The following FOXK2 variants were observed in gnomAD, a reference collection of about 807,000 sequenced individuals.
FOXK2 encodes forkhead box K2.
FOXK2 carries 24 observed loss-of-function variants against 53.3 expected under a neutral mutation model. That is an observed-to-expected ratio of 0.45 (90% CI 0.33 to 0.63). The LOEUF is 0.63. Ranked by LOEUF, FOXK2 falls within the 30% of genes least tolerant of loss-of-function variation. The pLI is 0.03. For synonymous variants in FOXK2, 505 were observed against 407.1 expected, an observed-to-expected ratio of 1.24 and a Z score of -2.89; for missense variants, 952 against 910.5, an observed-to-expected ratio of 1.05 and a Z score of -0.59.
rs773882801 is a variant in FOXK2, at chr17:82,582,949, G to T, written c.1103+15G>T. ...CTCTCTTCTAGGTAAGGAAAAAGAA[G>T]AACAAAAGGCCTCACTTCGTGCTTA... is the stretch of plus-strand genomic sequence containing the variant. On this transcript the variant is annotated intron_variant, in intron 5 of 8. Coordinates refer to ENST00000335255, the MANE Select transcript of FOXK2 (RefSeq NM_004514.4). 9.2e-6 allele frequency: 14 copies of T among 1,524,250 alleles called. No individual in the cohort carries two copies. The South Asian group carries it at 1.5e-4, about 16-fold the overall frequency. 94.4% of individuals were successfully genotyped at this position (1,524,250 alleles called of 1,614,324 possible).
At chr17:82,541,372 A>C (rs757963476) in intron 1 of FOXK2, among the ~76,000 whole-genome samples, 2 of 151,688 alleles carry the variant, frequency 1.3e-5, no homozygotes, top group Non-Finnish European at 2.9e-5. Context: ...TCCTGGGTTC[A>C]AGTGATTCTC....
At chr17:82,522,549 T>G (rs978007971) in intron 1 of FOXK2, among the ~76,000 whole-genome samples, 1 of 151,310 alleles carries the variant, frequency 6.6e-6, no homozygotes, top group Non-Finnish European at 1.5e-5. Context: ...TTTTTTGTAT[T>G]TTTAGTAGAG....
intron 1 of FOXK2, among the ~76,000 whole-genome samples, chr17:82,534,922 C>G (rs147675623): frequency 6.2e-4 from 95 of 152,336 alleles, no homozygotes; most frequent in African/African-American, 2.2e-3. Flanking sequence ...GCTCTGTCGC[C>G]CAGCTGGAGT....
At chr17:82,535,986 C>A (rs1023154236) in intron 1 of FOXK2, among the ~76,000 whole-genome samples, 14 of 152,064 alleles carry the variant, frequency 9.2e-5, no homozygotes, top group Admixed American at 2.6e-4. Context: ...AGGTGATCCG[C>A]CTGTCTCAGC....
chr17:82,600,847 TG>T (rs34973185), intron 8 of FOXK2: 128,475 of 162,594 alleles, frequency 0.79, 51,307 homozygotes, highest in Middle Eastern at 0.9. Context: ...GTGCGGGTGG[TG>T]GGGGGGCGAG....
intron 1 of FOXK2, among the ~76,000 whole-genome samples, chr17:82,542,475 T>A (rs1197216648): frequency 1.3e-5 from 2 of 152,016 alleles, no homozygotes; most frequent in East Asian, 1.9e-4. Context: ...CCCAGTTTTT[T>A]ATTTTATTTT....
intron 8 of FOXK2, among the ~76,000 whole-genome samples, chr17:82,597,828 T>G (rs1318536411): frequency 6.6e-6 from 1 of 152,138 alleles, no homozygotes; most frequent in Non-Finnish European, 1.5e-5. Context: ...TTTTGTATTT[T>G]TAGTAGAGAC....
intron 1 of FOXK2, among the ~76,000 whole-genome samples, chr17:82,556,142 C>G (rs1415697577): frequency 6.6e-6 from 1 of 151,926 alleles, no homozygotes; most frequent in Non-Finnish European, 1.5e-5. Context: ...CAGTCAGAAT[C>G]TAGATGAAGA....
At chr17:82,561,548 C>G (rs2044793465) in intron 1 of FOXK2, among the ~76,000 whole-genome samples, 1 of 152,048 alleles carries the variant, frequency 6.6e-6, no homozygotes. Context: ...CCTGGACATC[C>G]AGGAGGTGGC....
At chr17:82,522,121 TTTTG>T (rs926525996) in intron 1 of FOXK2, among the ~76,000 whole-genome samples, 15 of 150,234 alleles carry the variant, frequency 1.0e-4, no homozygotes, top group South Asian at 2.1e-4. Flanking sequence ...GATCTTGAGT[TTTTG>T]TTTGTTTGTT....
chr17:82,595,843 C>G, intron 8 of FOXK2: 1 of 1,289,636 alleles, frequency 7.8e-7, no homozygotes, highest in Non-Finnish European at 1.0e-6. Context: ...TCAGTTGACA[C>G]AGCAGGCCCC....
rs373717576 is a variant in FOXK2, at chr17:82,601,307, G to A, written c.1791G>A (p.Ala597=). 1.3e-5 allele frequency: 21 copies of A among 1,610,660 alleles called. No individual in the cohort carries two copies. The highest frequency in any genetic ancestry group is 3.3e-5 in the South Asian group (3 of 90,948). The change falls in exon 9 of 9, where the codon GCG becomes GCA. Residue 597 remains alanine (A), a synonymous_variant. Transcript: ENST00000335255. ...TAVHGQVNNA[A]ASPLHMLATH... ...GACTCCCTCGTGTCATTTCAGCCGCGGCGAGTCCTTTGCACATGTTGGCAA... is the reference window on the plus strand; with the variant it reads ...GACTCCCTCGTGTCATTTCAGCCGCAGCGAGTCCTTTGCACATGTTGGCAA...
intron 1 of FOXK2, among the ~76,000 whole-genome samples, chr17:82,530,354 G>A (rs1032910419): frequency 6.6e-6 from 1 of 150,842 alleles, no homozygotes; most frequent in African/African-American, 2.4e-5. Flanking sequence ...GCTGGGTGTG[G>A]TGGCGCATGC....
At chr17:82,558,752 A>G (rs1433154479) in intron 1 of FOXK2, among the ~76,000 whole-genome samples, 1 of 150,786 alleles carries the variant, frequency 6.6e-6, no homozygotes, top group African/African-American at 2.4e-5. Flanking sequence ...CACTGTTCAC[A>G]TCTTTACATC....
chr17:82,585,936 A>G lies in FOXK2; in HGVS notation c.1312A>G (p.Thr438Ala). The G allele has an allele frequency of 1.2e-6, 2 of 1,612,416 alleles. No homozygotes were observed. Among genetic ancestry groups the G allele is most frequent in the African/African-American group, 1.3e-5 (1 of 75,028 alleles). ...SPLSSQPVLI[T>A]VQRQLPQAIK... ...TCTGTCCAGTCAGCCAGTCTTAATC[A>G]CCGTCCAGCGGCAGCTACCACAGGC... The change falls in exon 7 of 9, where the codon ACC becomes GCC. Residue 438 changes from threonine (T) to alanine (A), a missense_variant. Thr to Ala is a moderately conservative substitution (Grantham distance 58). Transcript: ENST00000335255.
intron 3 of FOXK2, among the ~76,000 whole-genome samples, 165 bp downstream of exon 3, chr17:82,568,366 T>C (rs920154126): frequency 6.6e-6 from 1 of 152,222 alleles, no homozygotes; most frequent in African/African-American, 2.4e-5. Context: ...TTCTTGGTAT[T>C]GGGGCTTTTT....
chr17:82,520,314 G>A lies in FOXK2; in HGVS notation c.419+7G>A. ...CGCTGCAGCTGCCGCGCGTGTGAGT[G>A]GCCTCGGGGCGGGGCGGGCGGGGTC... On this transcript the variant is annotated splice_region_variant and intron_variant, in intron 1 of 8. Transcript: ENST00000335255. 3 of 1,259,466 alleles carry A rather than the reference G, an allele frequency of 2.4e-6. No homozygotes were observed. The highest frequency in any genetic ancestry group is 3.0e-6 in the Non-Finnish European group (3 of 998,054). 78.0% of individuals were successfully genotyped at this position (1,259,466 alleles called of 1,614,324 possible).
intron 4 of FOXK2, among the ~76,000 whole-genome samples, chr17:82,582,417 C>T (rs1054228023): frequency 1.3e-5 from 2 of 152,226 alleles, no homozygotes; most frequent in African/African-American, 4.8e-5. Context: ...GCTCAAACCC[C>T]AGGCTGCTAC....
intron 6 of FOXK2, among the ~76,000 whole-genome samples, chr17:82,584,393 G>A (rs1040605432): frequency 1.3e-5 from 2 of 151,998 alleles, no homozygotes; most frequent in African/African-American, 4.8e-5. Flanking sequence ...ACGACACTGA[G>A]TAGATGCCTG....
Sources: gnomAD v4.1 joint callset for allele counts (sites outside exome capture counted in the v4.1 genomes callset) on GRCh38, gnomAD v4.1.1 for gene constraint, MANE v1.5 for transcripts, NCBI Gene and HGNC (gene_info 2026-07-23, HGNC 2026-07-21) for gene names.